Variants in ROR1 observed in about 807,000 individuals in gnomAD.
The protein encoded by ROR1 is ROR family WNT receptor 1, also known as inactive tyrosine-protein kinase transmembrane receptor ROR1.
A neutral mutation model predicts 78.8 loss-of-function variants in ROR1; 19 were observed. That is an observed-to-expected ratio of 0.24 (90% CI 0.17 to 0.35). The LOEUF (loss-of-function observed/expected upper bound fraction) is 0.35. Among genes scored for constraint, ROR1 ranks in the 10% least tolerant of loss-of-function variants. The probability of loss-of-function intolerance (pLI) is 1.00; values close to 1 mark genes in which losing one functional copy is unlikely to be tolerated. For missense variants in ROR1, 917 were observed against 1,177.8 expected (o/e 0.78, Z 3.24); for synonymous variants, 386 against 433.6 (o/e 0.89, Z 1.36).
At chr1:63,788,935 A>G (rs1644708225) in intron 1 of ROR1, 4 of 793,972 alleles carry the variant, frequency 5.0e-6, no homozygotes, top group Non-Finnish European at 8.6e-6. Context: ...ACCTTCAGGT[A>G]CAGGCTGTGA....
At chr1:64,014,765 T>C (rs1425481235) in intron 2 of ROR1, among the ~76,000 whole-genome samples, 3 of 59,514 alleles carry the variant, frequency 5.0e-5, no homozygotes, top group African/African-American at 8.5e-5. Context: ...TATATATATA[T>C]ATATATATAC....
intron 1 of ROR1, among the ~76,000 whole-genome samples, chr1:63,931,860 T>C (rs983293539): frequency 3.3e-5 from 5 of 152,236 alleles, no homozygotes; most frequent in Admixed American, 1.3e-4. Flanking sequence ...GTTATTATTG[T>C]TAATCTCTTA....
At chr1:63,897,991 C>G (rs184495440) in intron 1 of ROR1, among the ~76,000 whole-genome samples, 2 of 152,148 alleles carry the variant, frequency 1.3e-5, no homozygotes, top group Non-Finnish European at 2.9e-5. Context: ...AGAGGGAAGG[C>G]GTGGAGGGTT....
At chr1:63,995,587 G>T (rs1646330305) in intron 1 of ROR1, among the ~76,000 whole-genome samples, 1 of 152,112 alleles carries the variant, frequency 6.6e-6, no homozygotes, top group South Asian at 2.1e-4. Flanking sequence ...AATGATTATG[G>T]GCTTTGCAAT....
intron 1 of ROR1, among the ~76,000 whole-genome samples, chr1:63,850,952 G>GT (rs1265002376): frequency 6.6e-6 from 1 of 151,994 alleles, no homozygotes; most frequent in Non-Finnish European, 1.5e-5. Context: ...TGCCTGTGTG[G>GT]TTTTTTGGTT....
chr1:63,876,434 C>T (rs1023582569), intron 1 of ROR1, among the ~76,000 whole-genome samples: 6 of 152,090 alleles, frequency 3.9e-5, no homozygotes, highest in Non-Finnish European at 7.4e-5. Flanking sequence ...GCCCCCTCTT[C>T]CCCCAACCAC....
intron 2 of ROR1, among the ~76,000 whole-genome samples, chr1:64,028,642 G>C (rs991267305): frequency 3.3e-5 from 5 of 151,738 alleles, no homozygotes; most frequent in Non-Finnish European, 5.9e-5. Context: ...CATTCTAAGA[G>C]GACTTAAAAA....
At chr1:63,807,797 G>A (rs1244127493) in intron 1 of ROR1, among the ~76,000 whole-genome samples, 2 of 152,114 alleles carry the variant, frequency 1.3e-5, no homozygotes, top group Admixed American at 6.6e-5. Flanking sequence ...TCAGTATTTG[G>A]TAAATAGAGT....
At chr1:64,003,819 G>A (rs1250251264) in intron 1 of ROR1, among the ~76,000 whole-genome samples, 1 of 152,236 alleles carries the variant, frequency 6.6e-6, no homozygotes, top group African/African-American at 2.4e-5. Flanking sequence ...GCACTAGGGA[G>A]AGGAAAGAAA....
intron 1 of ROR1, among the ~76,000 whole-genome samples, chr1:63,957,912 T>A (rs1645996804): frequency 6.6e-6 from 1 of 152,004 alleles, no homozygotes; most frequent in African/African-American, 2.4e-5. Flanking sequence ...CCAGCTAATT[T>A]TTTGTATCTT....
At chr1:64,095,498 CA>C (rs1647274607) in intron 4 of ROR1, among the ~76,000 whole-genome samples, 1 of 152,008 alleles carries the variant, frequency 6.6e-6, no homozygotes, top group South Asian at 2.1e-4. Context: ...TGATAGAAAT[CA>C]AAATAATAGT....
At chr1:64,092,153 CTCCCTTCT>C (rs1404175314) in intron 4 of ROR1, among the ~76,000 whole-genome samples, 12 of 149,206 alleles carry the variant, frequency 8.0e-5, no homozygotes, top group Non-Finnish European at 1.3e-4. Context: ...ACCTCCCTTC[CTCCCTTCT>C]TCCATTCCTT....
At chr1:63,832,044 T>C (rs1467257949) in intron 1 of ROR1, among the ~76,000 whole-genome samples, 2 of 152,200 alleles carry the variant, frequency 1.3e-5, no homozygotes, top group Non-Finnish European at 2.9e-5. Context: ...TGCTAAAGCA[T>C]AGGAAGAGTG....
intron 4 of ROR1, among the ~76,000 whole-genome samples, chr1:64,119,973 A>G (rs970656035): frequency 1.3e-5 from 2 of 152,212 alleles, no homozygotes; most frequent in African/African-American, 2.4e-5. Flanking sequence ...AAAACTTTTA[A>G]GAAAAGGTGA....
At chr1:63,832,125 A>G (rs1001757067) in intron 1 of ROR1, among the ~76,000 whole-genome samples, 1 of 152,190 alleles carries the variant, frequency 6.6e-6, no homozygotes, top group Non-Finnish European at 1.5e-5. Flanking sequence ...CTCATTGTCC[A>G]TATCACAATG....
intron 2 of ROR1, among the ~76,000 whole-genome samples, chr1:64,039,053 G>A (rs1014252337): frequency 2.0e-5 from 3 of 152,160 alleles, no homozygotes; most frequent in African/African-American, 2.4e-5. Context: ...AGGCAAAACC[G>A]CCCCATTCAT....
At position 63,780,698 on chromosome 1, in the gene ROR1, G is replaced by A. The variant is rs1422405090; in HGVS notation, c.91+6190G>A. ...CATGCAGATGCTCTAGATCTGAGCA[G>A]TACCCAGGCCAGTGCTGGGGACCTG... On this transcript the variant is annotated intron_variant, in intron 1 of 8. Coordinates refer to ENST00000371079, the MANE Select transcript of ROR1 (RefSeq NM_005012.4). Among the ~76,000 whole-genome samples, 3 of 152,200 alleles carry A rather than the reference G, an allele frequency of 2.0e-5. No individual in the cohort carries two copies. In the East Asian group the frequency reaches 5.8e-4, roughly 29 times the overall value.
intron 1 of ROR1, among the ~76,000 whole-genome samples, chr1:63,878,048 G>T (rs954381947): frequency 6.6e-6 from 1 of 152,124 alleles, no homozygotes; most frequent in African/African-American, 2.4e-5. Flanking sequence ...GACCTCTCCG[G>T]CATCTGGCTC....
chr1:63,800,886 C>A (rs1356975390), intron 1 of ROR1, among the ~76,000 whole-genome samples: 1 of 151,766 alleles, frequency 6.6e-6, no homozygotes, highest in African/African-American at 2.4e-5. Context: ...AGAGCTGCCA[C>A]TGTGGGGATA....
Sources: allele counts gnomAD v4.1 joint callset (sites outside exome capture counted in the v4.1 genomes callset), GRCh38; gene constraint gnomAD v4.1.1; transcripts MANE v1.5; gene names NCBI Gene and HGNC (gene_info 2026-07-23, HGNC 2026-07-21).